ZNF26: variants seen among roughly 807,000 people sequenced by gnomAD.
ZNF26 encodes zinc finger protein 26, also known as epididymis luminal protein 179.
A neutral mutation model predicts 54.9 loss-of-function variants in ZNF26; 32 were observed. That is an observed-to-expected ratio of 0.58 (90% CI 0.44 to 0.78). The LOEUF (loss-of-function observed/expected upper bound fraction) is 0.78, where lower values mean the gene tolerates loss of function less well. Among genes scored for constraint, ZNF26 ranks in the 30% least tolerant of loss-of-function variants. The pLI, the probability that ZNF26 is intolerant of heterozygous loss-of-function variation, is 0.00. For synonymous variants in ZNF26, 221 were observed against 209.2 expected, an observed-to-expected ratio of 1.06 and a Z score of -0.49; for missense variants, 524 against 634.0, an observed-to-expected ratio of 0.83 and a Z score of 1.86.
intron 3 of ZNF26, among the ~76,000 whole-genome samples, chr12:133,008,775 CAAA>C (rs57200465): frequency 4.1e-4 from 25 of 61,460 alleles, no homozygotes; most frequent in Non-Finnish European, 2.0e-4. Context: ...GACTCCATCT[CAAA>C]AAAAAAAAAA....
intron 3 of ZNF26, 47 bp from the exon 4 acceptor site, chr12:133,010,089 G>A (rs1267280674): frequency 2.1e-5 from 33 of 1,539,358 alleles, no homozygotes; most frequent in Middle Eastern, 1.7e-4. Flanking sequence ...TCCATATCAG[G>A]TTTATGTTAT....
Position 132,986,533 on chromosome 12 carries a change from C to G in ZNF26, c.-308C>G. 1 of 500,948 alleles carries G rather than the reference C, an allele frequency of 2.0e-6. No individual in the cohort carries two copies. The highest frequency in any genetic ancestry group is 2.5e-5 in the South Asian group (1 of 40,470). The allele number at this position is 500,948 out of a possible 1,614,324, so 31.0% of individuals were successfully genotyped here. The stretch of plus-strand genomic sequence containing the variant: ...CAGACCAGAGACTTGACCAGCTAAA[C>G]ACTTCCGTCGGTCCGGGGCGTGGAC... On this transcript the variant is annotated 5_prime_UTR_variant, in exon 1 of 4. Transcript: ENST00000328654.
At position 133,010,777 on chromosome 12, in the gene ZNF26, C is replaced by T; in HGVS notation, c.898C>T (p.Pro300Ser). The change falls in exon 4 of 4, where the codon CCA becomes TCA. Residue 300 changes from proline (P) to serine (S), a missense_variant. Pro to Ser is a moderately conservative substitution (Grantham distance 74). Transcript: ENST00000328654. ...TGGGAAAGCCTTTAGTTTGAAGTCT[C>T]CATTCGTTGTACACCAGAGAACTCA... ...ECGKAFSLKS[P>S]FVVHQRTHTG... The T allele has an allele frequency of 6.2e-7, 1 of 1,613,954 alleles. No homozygotes were observed. Among genetic ancestry groups the T allele is most frequent in the African/African-American group, 1.3e-5 (1 of 75,000 alleles).
chr12:133,007,518 G>A lies in ZNF26; in HGVS notation c.242G>A (p.Arg81Lys). The A allele has an allele frequency of 6.2e-7, 1 of 1,613,446 alleles. No homozygotes were observed. The highest frequency in any genetic ancestry group is 8.5e-7 in the Non-Finnish European group (1 of 1,179,590). ...DPWIINAKIS[R>K]QSCPDGWEEW... ...TGGATAATAAATGCCAAAATTTCCA[G>A]GCAGAGCTGTCCAGGTGGGTGAGTG... The change falls in exon 3 of 4, where the codon AGG becomes AAG. Residue 81 changes from arginine to lysine, a missense_variant. Coordinates refer to ENST00000328654, the MANE Select transcript of ZNF26 (RefSeq NM_019591.4).
chr12:132,988,690 CAG>C (rs1952881019), intron 1 of ZNF26, among the ~76,000 whole-genome samples: 1 of 152,206 alleles, frequency 6.6e-6, no homozygotes, highest in South Asian at 2.1e-4. Context: ...TTTTAACTGA[CAG>C]TGCATTCAAT....
At chr12:133,000,787 G>A (rs1472206445) in intron 1 of ZNF26, among the ~76,000 whole-genome samples, 2 of 152,018 alleles carry the variant, frequency 1.3e-5, no homozygotes, top group Non-Finnish European at 2.9e-5. Context: ...TTGAACTCCT[G>A]ATTGCAGGTG....
At position 133,013,466 on chromosome 12, in the gene ZNF26, T is replaced by C. The variant is rs1953523352; in HGVS notation, c.*1985T>C. 1.3e-5 allele frequency: 2 copies of C among 153,156 alleles called. No homozygotes were observed. The highest frequency in any genetic ancestry group is 3.8e-4 in the East Asian group (2 of 5,210). 9.5% of individuals were successfully genotyped at this position (153,156 alleles called of 1,614,324 possible). A position where few individuals can be genotyped will look rare whatever the true frequency, so the allele number is the denominator to read the frequency against. On this transcript the variant is annotated 3_prime_UTR_variant, in exon 4 of 4. Coordinates refer to ENST00000328654, the MANE Select transcript of ZNF26 (RefSeq NM_019591.4). The stretch of plus-strand genomic sequence containing the variant: ...CCTTGATAATTTGAATAGGAATATC[T>C]GGGAAGAACCTGAGGACTCAGCCTA...
At chr12:132,995,969 CAG>C (rs1358830954) in intron 1 of ZNF26, among the ~76,000 whole-genome samples, 1 of 152,152 alleles carries the variant, frequency 6.6e-6, no homozygotes, top group Non-Finnish European at 1.5e-5. Context: ...TGTTTTATAT[CAG>C]AGGATATTTC....
Position 133,025,168 on chromosome 12 carries a change from TG to T in ZNF26, c.*13689del, listed in dbSNP as rs1203457095. ...ACCCAGTAGGATTTATGGATTTCTA[TG>T]GAACAGTGACTACTCTGTGCCTCCT... is the stretch of plus-strand genomic sequence containing the variant. On this transcript the variant is annotated 3_prime_UTR_variant, in exon 4 of 4. Transcript: ENST00000328654. The T allele has an allele frequency of 6.6e-6, 1 of 152,220 alleles. No individual in the cohort carries two copies. The highest frequency in any genetic ancestry group is 2.4e-5 in the African/African-American group (1 of 41,456). The allele number at this position is 152,220 out of a possible 1,614,324, so 9.4% of individuals were successfully genotyped here. A position where few individuals can be genotyped will look rare whatever the true frequency, so the allele number is the denominator to read the frequency against.
intron 1 of ZNF26, chr12:133,006,312 C>T (rs1953325298): frequency 8.1e-6 from 8 of 985,236 alleles, no homozygotes; most frequent in South Asian, 9.4e-5. Context: ...AGCTGAACCT[C>T]GTCCAAACAC....
intron 1 of ZNF26, among the ~76,000 whole-genome samples, chr12:132,988,361 G>C (rs1952873144): frequency 6.6e-6 from 1 of 152,042 alleles, no homozygotes; most frequent in Non-Finnish European, 1.5e-5. Flanking sequence ...TCAGCCTCCT[G>C]AGTAGCTGGG....
chr12:132,995,130 A>G (rs1263380373), intron 1 of ZNF26: 2 of 152,214 alleles, frequency 1.3e-5, no homozygotes, highest in African/African-American at 4.8e-5. Flanking sequence ...CAGTACCAGG[A>G]ATTGAGAACT....
chr12:132,986,747 C>A lies in ZNF26; in HGVS notation c.-94C>A. 7.1e-7 allele frequency: 1 copy of A among 1,414,200 alleles called. No individual in the cohort carries two copies. Among genetic ancestry groups the A allele is most frequent in the South Asian group, 1.3e-5 (1 of 79,560 alleles). The allele number at this position is 1,414,200 out of a possible 1,614,324, so 87.6% of individuals were successfully genotyped here. On this transcript the variant is annotated 5_prime_UTR_variant, in exon 1 of 4. Coordinates refer to ENST00000328654, the MANE Select transcript of ZNF26 (RefSeq NM_019591.4). ...ACGGTCAGGAGCCTGGGGCCCTGGT[C>A]CCGCACCTGTCTTCGGGCGGACGCA...
chr12:133,000,847 C>T (rs1208449855), intron 1 of ZNF26, among the ~76,000 whole-genome samples: 3 of 152,102 alleles, frequency 2.0e-5, no homozygotes, highest in Admixed American at 1.3e-4. Context: ...GCGTGAACTA[C>T]CATGCCTGGC....
intron 3 of ZNF26, among the ~76,000 whole-genome samples, chr12:133,009,927 T>TGC (rs1366836862): frequency 2.0e-5 from 3 of 152,208 alleles, no homozygotes; most frequent in Admixed American, 1.3e-4. Flanking sequence ...ACTGGTAATT[T>TGC]GCTACCAGTT....
intron 1 of ZNF26, among the ~76,000 whole-genome samples, chr12:132,991,984 C>T (rs1185879009): frequency 1.3e-5 from 2 of 151,908 alleles, no homozygotes; most frequent in Non-Finnish European, 2.9e-5. Context: ...CCTGTCTCTA[C>T]TACAAATACA....
Position 133,015,935 on chromosome 12 carries a change from G to A in ZNF26, c.*4454G>A, listed in dbSNP as rs1953559915. 1.3e-5 allele frequency: 2 copies of A among 152,148 alleles called. No individual in the cohort carries two copies. Among genetic ancestry groups the A allele is most frequent in the African/African-American group, 4.8e-5 (2 of 41,438 alleles). The allele number at this position is 152,148 out of a possible 1,614,324, so 9.4% of individuals were successfully genotyped here. A position where few individuals can be genotyped will look rare whatever the true frequency, so the allele number is the denominator to read the frequency against. ...ATGTTTGTGTGACTCTTTAATAGAA[G>A]TCTGAACTAGGTATGCCATATATTT... is the stretch of plus-strand genomic sequence containing the variant. On this transcript the variant is annotated 3_prime_UTR_variant, in exon 4 of 4. Transcript: ENST00000328654.
chr12:133,009,333 C>G (rs1953416318), intron 3 of ZNF26, among the ~76,000 whole-genome samples: 1 of 152,172 alleles, frequency 6.6e-6, no homozygotes, highest in Admixed American at 6.5e-5. Flanking sequence ...TGGCTCACAC[C>G]TGTAATCCCA....
chr12:133,008,658 C>T (rs1953390262), intron 3 of ZNF26, among the ~76,000 whole-genome samples: 1 of 151,728 alleles, frequency 6.6e-6, no homozygotes, highest in East Asian at 1.9e-4. Context: ...CGCCTGTAGT[C>T]CCAGCTACTC....
Sources: gnomAD v4.1 joint callset for allele counts (sites outside exome capture counted in the v4.1 genomes callset) on GRCh38, gnomAD v4.1.1 for gene constraint, MANE v1.5 for transcripts, NCBI Gene and HGNC (gene_info 2026-07-23, HGNC 2026-07-21) for gene names.